Variants in OR56A1 observed in about 807,000 individuals in gnomAD.
OR56A1 encodes the protein olfactory receptor 56A1.
For synonymous variants in OR56A1, 174 were observed against 159.1 expected (o/e 1.09, Z -0.70); for missense variants, 360 against 380.9 (o/e 0.94, Z 0.46).
rs1316059462 is a variant in OR56A1 at position 6,026,958 on chromosome 11, G to A, written c.735C>T (p.Gly245=). ...GAAVKALSTC[G]SHFILILFFS... Reference sequence around the variant, plus strand: ...AGAAAAGAATGAGGATGAAGTGGGAGCCACATGTGCTCAGGGCCTTCACTG... The same window carrying A: ...AGAAAAGAATGAGGATGAAGTGGGAACCACATGTGCTCAGGGCCTTCACTG... Residue 245 remains glycine, a synonymous_variant, in exon 2 of 2, where the codon GGC becomes GGT. Transcript: ENST00000641900. The A allele has an allele frequency of 1.2e-6, 2 of 1,614,004 alleles. No individual in the cohort carries two copies. The highest frequency in any genetic ancestry group is 4.5e-5 in the East Asian group (2 of 44,884).
intron 1 of OR56A1, among the ~76,000 whole-genome samples, chr11:6,029,821 G>T (rs1293859411): frequency 6.6e-6 from 1 of 151,594 alleles, no homozygotes; most frequent in Non-Finnish European, 1.5e-5. Context: ...CTTTTATCTT[G>T]TCTATGTCAT....
At position 6,022,981 on chromosome 11, in the gene OR56A1, A is replaced by G. The variant is rs1848412044; in HGVS notation, c.*3767T>C. The G allele has an allele frequency of 6.6e-6, 1 of 152,202 alleles. No individual in the cohort carries two copies. Among genetic ancestry groups the G allele is most frequent in the Non-Finnish European group, 1.5e-5 (1 of 68,024 alleles). The allele number at this position is 152,202 out of a possible 1,614,324, so 9.4% of individuals were successfully genotyped here. ...ATTGACTTTTAAATGTTGCTGAAGA[A>G]AAGAAAATCATGGTATAAATTGGTA... is the stretch of plus-strand genomic sequence containing the variant. On this transcript the variant is annotated 3_prime_UTR_variant, in exon 2 of 2. Coordinates refer to ENST00000641900, the MANE Select transcript of OR56A1 (RefSeq NM_001388488.1).
rs1848410030 is a variant in OR56A1, at chr11:6,022,804, A to T, written c.*3944T>A. On this transcript the variant is annotated 3_prime_UTR_variant, in exon 2 of 2. Transcript: ENST00000641900. ...TATGTTCAGAGTGCTAATCACACGT[A>T]AAGAACTCAATAACTAATTTTTGGT... The T allele has an allele frequency of 6.6e-6, 1 of 152,202 alleles. No individual in the cohort carries two copies. The highest frequency in any genetic ancestry group is 2.1e-4 in the South Asian group (1 of 4,834). The allele number at this position is 152,202 out of a possible 1,614,324, so 9.4% of individuals were successfully genotyped here.
In OR56A1 at chr11:6,023,271, C is replaced by A. The variant is rs1310619451; in HGVS notation, c.*3477G>T. ...TGATGCTATAAACTTTCTCTGATGT[C>A]TCAGAACTCTCACTGCCTAGAATAT... is the stretch of plus-strand genomic sequence containing the variant. On this transcript the variant is annotated 3_prime_UTR_variant, in exon 2 of 2. Coordinates refer to ENST00000641900, the MANE Select transcript of OR56A1 (RefSeq NM_001388488.1). 2 of 152,186 alleles carry A rather than the reference C, an allele frequency of 1.3e-5. No individual in the cohort carries two copies. Among genetic ancestry groups the A allele is most frequent in the African/African-American group, 4.8e-5 (2 of 41,442 alleles). The allele number at this position is 152,186 out of a possible 1,614,324, so 9.4% of individuals were successfully genotyped here.
chr11:6,022,815 T>A lies in OR56A1; in HGVS notation c.*3933A>T, dbSNP rs755760492. 1 of 152,188 alleles carries A rather than the reference T, an allele frequency of 6.6e-6. No homozygotes were observed. Among genetic ancestry groups the A allele is most frequent in the African/African-American group, 2.4e-5 (1 of 41,434 alleles). 9.4% of individuals were successfully genotyped at this position (152,188 alleles called of 1,614,324 possible). On this transcript the variant is annotated 3_prime_UTR_variant, in exon 2 of 2. Transcript: ENST00000641900. ...TGCTAATCACACGTAAAGAACTCAA[T>A]AACTAATTTTTGGTTGAATAGGTGC...
chr11:6,027,655 G>A lies in OR56A1; in HGVS notation c.38C>T (p.Ser13Phe). The stretch of plus-strand genomic sequence containing the variant: ...GGGGAAGCAGATGAGGAGGAATTCA[G>A]AGACTGGGACAGTGGAGCTGTTGCT... ...SPSNSSTVPV[S>F]EFLLICFPNF... The change falls in exon 2 of 2, where the codon TCT becomes TTT. Residue 13 changes from serine (S) to phenylalanine (F), a missense_variant. Transcript: ENST00000641900. 6.2e-7 allele frequency: 1 copy of A among 1,607,076 alleles called. No individual in the cohort carries two copies. The highest frequency in any genetic ancestry group is 8.5e-7 in the Non-Finnish European group (1 of 1,176,732).
chr11:6,028,169 T>A (rs983001245), intron 1 of OR56A1, among the ~76,000 whole-genome samples: 1 of 152,082 alleles, frequency 6.6e-6, no homozygotes, highest in Admixed American at 6.6e-5. Context: ...CCCAAACTCA[T>A]GGTATACTAG....
rs1848416150 is a variant in OR56A1, at chr11:6,023,350, G to A, written c.*3398C>T. On this transcript the variant is annotated 3_prime_UTR_variant, in exon 2 of 2. Transcript: ENST00000641900. ...GGCTAGGCACTAAAAAGCTTTCTGT[G>A]ATAAATGGAAAGTGTAGTATTGTTC... The A allele has an allele frequency of 6.6e-6, 1 of 152,180 alleles. No individual in the cohort carries two copies. The highest frequency in any genetic ancestry group is 2.1e-4 in the South Asian group (1 of 4,824). 9.4% of individuals were successfully genotyped at this position (152,180 alleles called of 1,614,324 possible).
upstream of OR56A1, among the ~76,000 whole-genome samples, chr11:6,033,176 G>C (rs1051705626): frequency 6.6e-6 from 1 of 151,984 alleles, no homozygotes; most frequent in Non-Finnish European, 1.5e-5. Flanking sequence ...CACCCATCCA[G>C]TGTTATCACC....
chr11:6,021,016 G>A lies in OR56A1; in HGVS notation c.*5732C>T, dbSNP rs946213604. On this transcript the variant is annotated 3_prime_UTR_variant, in exon 2 of 2. Coordinates refer to ENST00000641900, the MANE Select transcript of OR56A1 (RefSeq NM_001388488.1). ...GAGAAAAAGTTAGATGATGTGTATA[G>A]CAGTCCTTCTCAAGTCTGACAGCCT... 2 of 152,020 alleles carry A rather than the reference G, an allele frequency of 1.3e-5. No homozygotes were observed. Among genetic ancestry groups the A allele is most frequent in the Non-Finnish European group, 2.9e-5 (2 of 67,948 alleles). 9.4% of individuals were successfully genotyped at this position (152,020 alleles called of 1,614,324 possible).
At position 6,026,830 on chromosome 11, in the gene OR56A1, G is replaced by A. The variant is rs1239236547; in HGVS notation, c.863C>T (p.Pro288Leu). The stretch of plus-strand genomic sequence containing the variant: ...CCCATACACAATAGGGTTCAATGCA[G>A]GAGGAATAAGGTGATGAAGGACGTT... ...LLNVLHHLIP[P>L]ALNPIVYGVR... Residue 288 changes from proline (P) to leucine (L), a missense_variant, in exon 2 of 2, where the codon CCT (proline) becomes CTT (leucine). By Grantham distance (98) the Pro-to-Leu change is moderately conservative. Coordinates refer to ENST00000641900, the MANE Select transcript of OR56A1 (RefSeq NM_001388488.1). The A allele has an allele frequency of 1.9e-6, 3 of 1,614,032 alleles. No individual in the cohort carries two copies. The African/African-American group carries it at 4.0e-5, about 22-fold the overall frequency.
chr11:6,032,110 A>G (rs11827598), upstream of OR56A1, among the ~76,000 whole-genome samples: 23,744 of 152,110 alleles, frequency 0.16, 1,962 homozygotes, highest in Admixed American at 0.19. Context: ...AGAGAGATTC[A>G]TTTGACTGGT....
chr11:6,027,220 A>C lies in OR56A1; in HGVS notation c.473T>G (p.Leu158Arg). The change falls in exon 2 of 2, where the codon CTT (leucine) becomes CGT (arginine). Residue 158 changes from leucine (L) to arginine (R), a missense_variant. By Grantham distance (102) the Leu-to-Arg change is moderately radical (BLOSUM62 -2). Transcript: ENST00000641900. Reference sequence around the variant, plus strand: ...AGTGAGGATAGGAATGGGTGCAGTAAGAAGCGCATTCCGCACCACAATGAA... The same window carrying C: ...AGTGAGGATAGGAATGGGTGCAGTACGAAGCGCATTCCGCACCACAATGAA... ...SVFIVVRNALLTAPIPILTSL... is the reference protein window; with the variant it reads ...SVFIVVRNALRTAPIPILTSL... 3.1e-6 allele frequency: 5 copies of C among 1,614,066 alleles called. No individual in the cohort carries two copies. The highest frequency in any genetic ancestry group is 4.2e-6 in the Non-Finnish European group (5 of 1,179,862).
In OR56A1 at chr11:6,026,428, G is replaced by A. The variant is rs1470979937; in HGVS notation, c.*320C>T. The A allele has an allele frequency of 1.6e-5, 4 of 247,380 alleles. No individual in the cohort carries two copies. The highest frequency in any genetic ancestry group is 4.9e-5 in the Admixed American group (1 of 20,444). The allele number at this position is 247,380 out of a possible 1,614,324, so 15.3% of individuals were successfully genotyped here. On this transcript the variant is annotated 3_prime_UTR_variant, in exon 2 of 2. Coordinates refer to ENST00000641900, the MANE Select transcript of OR56A1 (RefSeq NM_001388488.1). ...TTTGCTTCCCACATATGTGATCTTT[G>A]GTCATTTCCCTTCCTAAAAGCATCT... is the stretch of plus-strand genomic sequence containing the variant.
Position 6,026,661 on chromosome 11 carries a change from A to G in OR56A1, c.*87T>C, listed in dbSNP as rs762404226. 1.4e-5 allele frequency: 11 copies of G among 807,422 alleles called. No individual in the cohort carries two copies. Among genetic ancestry groups the G allele is most frequent in the Non-Finnish European group, 2.2e-5 (11 of 490,244 alleles). 50.0% of individuals were successfully genotyped at this position (807,422 alleles called of 1,614,324 possible). On this transcript the variant is annotated 3_prime_UTR_variant, in exon 2 of 2. Transcript: ENST00000641900. The stretch of plus-strand genomic sequence containing the variant: ...GGGAGCCTCAGTGCATGCAATAAAC[A>G]CTCACTAACTGACATTTCTCTACTT...
chr11:6,032,647 G>A (rs766913918), upstream of OR56A1, among the ~76,000 whole-genome samples: 2 of 152,214 alleles, frequency 1.3e-5, no homozygotes, highest in Non-Finnish European at 2.9e-5. Context: ...GCCACAGGGG[G>A]GTTGTCTGGT....
Position 6,020,713 on chromosome 11 carries a change from C to T in OR56A1, c.*6035G>A, listed in dbSNP as rs1247799595. ...AGCTGGAGGAGGTTTTGGGCCTAGA[C>T]TGTGGGGTTTTCTATATATAGAATC... On this transcript the variant is annotated 3_prime_UTR_variant, in exon 2 of 2. Coordinates refer to ENST00000641900, the MANE Select transcript of OR56A1 (RefSeq NM_001388488.1). 1 of 152,026 alleles carries T rather than the reference C, an allele frequency of 6.6e-6. No homozygotes were observed. The highest frequency in any genetic ancestry group is 6.6e-5 in the Admixed American group (1 of 15,244). 9.4% of individuals were successfully genotyped at this position (152,026 alleles called of 1,614,324 possible). A position where few individuals can be genotyped will look rare whatever the true frequency, so the allele number is the denominator to read the frequency against.
Position 6,021,540 on chromosome 11 carries a change from A to T in OR56A1, c.*5208T>A, listed in dbSNP as rs1201100448. Reference sequence around the variant, plus strand: ...TCAATTTTAAAATGAATAATTAAATAAAAAATTATTTAAAGTACTGATACT... The same window carrying T: ...TCAATTTTAAAATGAATAATTAAATTAAAAATTATTTAAAGTACTGATACT... On this transcript the variant is annotated 3_prime_UTR_variant, in exon 2 of 2. Coordinates refer to ENST00000641900, the MANE Select transcript of OR56A1 (RefSeq NM_001388488.1). 1 of 152,098 alleles carries T rather than the reference A, an allele frequency of 6.6e-6. No homozygotes were observed. Among genetic ancestry groups the T allele is most frequent in the Non-Finnish European group, 1.5e-5 (1 of 67,980 alleles). 9.4% of individuals were successfully genotyped at this position (152,098 alleles called of 1,614,324 possible). A position where few individuals can be genotyped will look rare whatever the true frequency, so the allele number is the denominator to read the frequency against.
upstream of OR56A1, among the ~76,000 whole-genome samples, chr11:6,031,898 G>A (rs1848516235): frequency 6.6e-6 from 1 of 151,866 alleles, no homozygotes; most frequent in African/African-American, 2.4e-5. Context: ...TTGAAGGGGT[G>A]GAAAAAGAAA....
Sources: allele counts gnomAD v4.1 joint callset (sites outside exome capture counted in the v4.1 genomes callset), GRCh38; gene constraint gnomAD v4.1.1; transcripts MANE v1.5; gene names NCBI Gene and HGNC (gene_info 2026-07-23, HGNC 2026-07-21).